Variants in FAM227B observed in about 807,000 individuals in gnomAD.
FAM227B encodes protein FAM227B.
A neutral mutation model predicts 73.8 loss-of-function variants in FAM227B; 88 were observed. That is an observed-to-expected ratio of 1.19 (90% CI 1.00 to 1.42). The LOEUF (loss-of-function observed/expected upper bound fraction) is 1.42, where lower values mean the gene tolerates loss of function less well. FAM227B is among the 40% of genes most tolerant of loss of function. The pLI, the probability that FAM227B is intolerant of heterozygous loss-of-function variation, is 0.00. For synonymous variants in FAM227B, 210 were observed against 190.5 expected, an observed-to-expected ratio of 1.10 and a Z score of -0.84; for missense variants, 632 against 590.9, an observed-to-expected ratio of 1.07 and a Z score of -0.72.
intron 5 of FAM227B, among the ~76,000 whole-genome samples, chr15:49,579,059 G>A (rs1567622643): frequency 1.3e-5 from 2 of 152,016 alleles, no homozygotes; most frequent in African/African-American, 2.4e-5. Context: ...TACGAAAAAC[G>A]TTCAACATCA....
At chr15:49,489,888 A>AGG in intron 11 of FAM227B, among the ~76,000 whole-genome samples, 1 of 17,870 alleles carries the variant, frequency 5.6e-5, no homozygotes, top group East Asian at 1.9e-3. Flanking sequence ...ATATATAGAG[A>AGG]GAGAGAGAGA....
chr15:49,396,705 C>A (rs1354655234), intron 11 of FAM227B, among the ~76,000 whole-genome samples: 1 of 150,580 alleles, frequency 6.6e-6, no homozygotes, highest in Non-Finnish European at 1.5e-5. Flanking sequence ...CCCCGAGCAG[C>A]CTAACTGGGA....
intron 11 of FAM227B, among the ~76,000 whole-genome samples, chr15:49,460,331 G>A (rs1013886651): frequency 2.0e-5 from 3 of 152,178 alleles, no homozygotes; most frequent in Non-Finnish European, 2.9e-5. Flanking sequence ...CAAACATATA[G>A]CCATGCTTAT....
intron 3 of FAM227B, among the ~76,000 whole-genome samples, chr15:49,605,414 C>T: frequency 6.6e-6 from 1 of 152,198 alleles, no homozygotes. Context: ...GGGATGTTGA[C>T]CTGGCACAGC....
chr15:49,427,728 T>C (rs1170874790), intron 11 of FAM227B, among the ~76,000 whole-genome samples: 1 of 151,976 alleles, frequency 6.6e-6, no homozygotes, highest in Non-Finnish European at 1.5e-5. Context: ...CACAGGAATG[T>C]GGTTTTTTAA....
At chr15:49,511,642 T>C (rs2059008397) in intron 10 of FAM227B, among the ~76,000 whole-genome samples, 1 of 152,106 alleles carries the variant, frequency 6.6e-6, no homozygotes, top group Non-Finnish European at 1.5e-5. Context: ...TAGTGTGTGT[T>C]GTTCCCCTGC....
At chr15:49,523,801 T>A (rs557207557) in intron 10 of FAM227B, among the ~76,000 whole-genome samples, 1 of 152,192 alleles carries the variant, frequency 6.6e-6, no homozygotes, top group African/African-American at 2.4e-5. Flanking sequence ...CAGATGGAGA[T>A]GAAGAACTTG....
At chr15:49,434,075 T>A (rs916382909) in intron 11 of FAM227B, among the ~76,000 whole-genome samples, 2 of 151,464 alleles carry the variant, frequency 1.3e-5, no homozygotes, top group Non-Finnish European at 3.0e-5. Flanking sequence ...AGTTGGTGAA[T>A]CCACTCTCAA....
intron 10 of FAM227B, among the ~76,000 whole-genome samples, chr15:49,530,685 C>A (rs1801947772): frequency 6.6e-6 from 1 of 151,458 alleles, no homozygotes; most frequent in Non-Finnish European, 1.5e-5. Context: ...AGCTAAAATA[C>A]CAAAAACTAT....
intron 10 of FAM227B, among the ~76,000 whole-genome samples, chr15:49,531,876 T>C (rs888928191): frequency 1.3e-5 from 2 of 152,034 alleles, no homozygotes; most frequent in Admixed American, 6.6e-5. Flanking sequence ...TTATTGTACA[T>C]TGTTGTTGAA....
intron 11 of FAM227B, among the ~76,000 whole-genome samples, chr15:49,483,827 A>AT (rs1238169060): frequency 6.6e-6 from 1 of 152,088 alleles, no homozygotes; most frequent in Admixed American, 6.6e-5. Context: ...GAATGAACAA[A>AT]TGGTTGCATG....
chr15:49,502,832 G>A (rs1224865387), intron 11 of FAM227B, among the ~76,000 whole-genome samples: 1 of 152,160 alleles, frequency 6.6e-6, no homozygotes, highest in African/African-American at 2.4e-5. Flanking sequence ...GTGGGGTCTG[G>A]TGGGAAGTGG....
At chr15:49,335,822 A>C (rs750596547) in intron 13 of FAM227B, among the ~76,000 whole-genome samples, 3 of 152,234 alleles carry the variant, frequency 2.0e-5, no homozygotes, top group Non-Finnish European at 2.9e-5. Context: ...AAATTACCAA[A>C]ATATTAAAAA....
chr15:49,425,208 TA>T (rs1485596869), intron 11 of FAM227B: 4 of 152,008 alleles, frequency 2.6e-5, no homozygotes, highest in Admixed American at 2.0e-4. Flanking sequence ...TTTCCTTAAC[TA>T]AATCTTTTAT....
chr15:49,618,791 T>C (rs775788294), intron 1 of FAM227B, among the ~76,000 whole-genome samples: 5 of 152,204 alleles, frequency 3.3e-5, no homozygotes, highest in Admixed American at 1.3e-4. Flanking sequence ...GGGTAACAGA[T>C]GAAATATTTA....
chr15:49,465,161 G>A (rs778047603), intron 11 of FAM227B, among the ~76,000 whole-genome samples: 21 of 151,874 alleles, frequency 1.4e-4, no homozygotes, highest in African/African-American at 2.2e-4. Flanking sequence ...ATGGAGTCTC[G>A]CACTGTTGCT....
At chr15:49,363,831 T>C (rs953374710) in intron 13 of FAM227B, among the ~76,000 whole-genome samples, 6 of 152,316 alleles carry the variant, frequency 3.9e-5, no homozygotes, top group Admixed American at 6.5e-5. Flanking sequence ...TGAAGGGATG[T>C]TGAATTGTAT....
intron 11 of FAM227B, among the ~76,000 whole-genome samples, chr15:49,459,022 C>T (rs945053988): frequency 1.3e-5 from 2 of 152,178 alleles, no homozygotes; most frequent in Non-Finnish European, 2.9e-5. Flanking sequence ...AAAAAACACA[C>T]AAAATCTACT....
chr15:49,456,041 C>T (rs1338586637), intron 11 of FAM227B, among the ~76,000 whole-genome samples: 5 of 152,072 alleles, frequency 3.3e-5, no homozygotes. Flanking sequence ...TTTAATGTGA[C>T]CGCATATTGG....
Sources: allele counts gnomAD v4.1 joint callset (sites outside exome capture counted in the v4.1 genomes callset), GRCh38; gene constraint gnomAD v4.1.1; transcripts MANE v1.5; gene names NCBI Gene and HGNC (gene_info 2026-07-23, HGNC 2026-07-21).